CLINT1: variants seen among roughly 807,000 people sequenced by gnomAD.
The protein encoded by CLINT1 is clathrin interactor 1.
CLINT1 carries 15 observed loss-of-function variants against 70.4 expected under a neutral mutation model. The observed-to-expected ratio is 0.21, with a 90% CI of 0.14 to 0.33. CLINT1 has a LOEUF of 0.33. CLINT1 is among the 10% of genes least tolerant of loss of function. CLINT1 has a pLI of 1.00. For missense variants in CLINT1, 615 were observed against 778.1 expected (o/e 0.79, Z 2.49); for synonymous variants, 227 against 254.7 (o/e 0.89, Z 1.04).
At chr5:157,797,421 C>G (rs1018147454) in intron 8 of CLINT1, among the ~76,000 whole-genome samples, 1 of 152,070 alleles carries the variant, frequency 6.6e-6, no homozygotes, top group African/African-American at 2.4e-5. Flanking sequence ...GAGTTCCACT[C>G]GTCACCCAGA....
Position 157,786,986 on chromosome 5 carries a change from T to C in CLINT1, c.*660A>G, listed in dbSNP as rs922004992. The C allele has an allele frequency of 4.6e-5, 7 of 152,586 alleles. No homozygotes were observed. Among genetic ancestry groups the C allele is most frequent in the East Asian group, 1.9e-4 (1 of 5,198 alleles). 9.5% of individuals were successfully genotyped at this position (152,586 alleles called of 1,614,324 possible). A position where few individuals can be genotyped will look rare whatever the true frequency, so the allele number is the denominator to read the frequency against. The stretch of plus-strand genomic sequence containing the variant: ...CACAGGATAATTACAGCAGAAGACA[T>C]GGGAAAAGTCCCATGGCAATCACCA... On this transcript the variant is annotated 3_prime_UTR_variant, in exon 12 of 12. Transcript: ENST00000411809.
chr5:157,850,090 G>C (rs1392370265), intron 1 of CLINT1, among the ~76,000 whole-genome samples: 2 of 152,192 alleles, frequency 1.3e-5, no homozygotes, highest in Non-Finnish European at 2.9e-5. Context: ...AGTGGTGGGA[G>C]AAGAGATCAC....
At chr5:157,793,141 T>C (rs557532165) in intron 9 of CLINT1, among the ~76,000 whole-genome samples, 2 of 152,148 alleles carry the variant, frequency 1.3e-5, no homozygotes, top group African/African-American at 4.8e-5. Flanking sequence ...AAACTCCAAG[T>C]TCTACTAACA....
At chr5:157,815,900 T>A (rs1395332226) in intron 3 of CLINT1, among the ~76,000 whole-genome samples, 1 of 152,216 alleles carries the variant, frequency 6.6e-6, no homozygotes, top group East Asian at 1.9e-4. Context: ...TATAATCCAA[T>A]GGGACCACTG....
At chr5:157,853,290 T>C (rs191018140) in intron 1 of CLINT1, among the ~76,000 whole-genome samples, 41 of 150,656 alleles carry the variant, frequency 2.7e-4, no homozygotes, top group African/African-American at 7.3e-4. Flanking sequence ...TCGCAGTGAG[T>C]TGAGATCACA....
intron 1 of CLINT1, among the ~76,000 whole-genome samples, chr5:157,821,893 C>T (rs1312292626): frequency 6.6e-6 from 1 of 152,188 alleles, no homozygotes; most frequent in Non-Finnish European, 1.5e-5. Context: ...GTTTATGAAA[C>T]TGTTTGTTGT....
At chr5:157,831,184 GTTTTACT>G (rs893794288) in intron 1 of CLINT1, among the ~76,000 whole-genome samples, 1 of 146,688 alleles carries the variant, frequency 6.8e-6, no homozygotes, top group Non-Finnish European at 1.5e-5. Flanking sequence ...TTTTCTTCGT[GTTTTACT>G]TTTTTTTTTT....
At position 157,841,091 on chromosome 5, in the gene CLINT1, G is replaced by A. The variant is rs538046039; in HGVS notation, c.41+17839C>T. Among the ~76,000 whole-genome samples, 14 of 150,660 alleles carry A rather than the reference G, an allele frequency of 9.3e-5. 1 individual carries two copies. Among genetic ancestry groups the A allele is most frequent in the South Asian group, 2.1e-4 (1 of 4,728 alleles). On this transcript the variant is annotated intron_variant, in intron 1 of 11. Coordinates refer to ENST00000411809, the MANE Select transcript of CLINT1 (RefSeq NM_014666.4). ...AGCCTGGGCAGCATGGCAAAACCAC[G>A]TCTCTATAAAAAAATACAAAAACTA...
rs369160281 is a variant in CLINT1 at position 157,836,341 on chromosome 5, C to T, written c.42-18794G>A. 1.4e-4 allele frequency among the ~76,000 whole-genome samples: 22 copies of T among 152,300 alleles called. No individual in the cohort carries two copies. The East Asian group carries it at 2.7e-3, about 19-fold the overall frequency. On this transcript the variant is annotated intron_variant, in intron 1 of 11. Transcript: ENST00000411809. ...GTTAAGTATCTCACTAGAGGTCACA[C>T]AACCATTAACTGTCAAAACATGAAC... is the stretch of plus-strand genomic sequence containing the variant.
At chr5:157,828,051 G>A (rs910135252) in intron 1 of CLINT1, among the ~76,000 whole-genome samples, 1 of 152,106 alleles carries the variant, frequency 6.6e-6, no homozygotes, top group Non-Finnish European at 1.5e-5. Context: ...TTATCATTAT[G>A]GAGATTAAAT....
rs1317139448 is a variant in CLINT1, at chr5:157,830,753, TCTCC to T, written c.42-13210_42-13207del. Among the ~76,000 whole-genome samples the T allele has an allele frequency of 1.5e-3, 158 of 108,248 alleles. 1 individual carries two copies. Among genetic ancestry groups the T allele is most frequent in the South Asian group, 3.2e-3 (10 of 3,162 alleles). The allele number at this position is 108,248 out of a possible 152,430, so 71.0% of individuals were successfully genotyped here. A position where few individuals can be genotyped will look rare whatever the true frequency, so the allele number is the denominator to read the frequency against. On this transcript the variant is annotated intron_variant, in intron 1 of 11. Transcript: ENST00000411809. ...CCCACTCTCCCTGCCCCTCCCTCTC[TCTCC>T]CTCTCTCTCTCTCTCTCTCTCTCTC...
chr5:157,812,725 A>C (rs930908924), intron 5 of CLINT1, among the ~76,000 whole-genome samples: 4 of 152,160 alleles, frequency 2.6e-5, no homozygotes, highest in African/African-American at 9.7e-5. Flanking sequence ...TTTATACTCT[A>C]AACTCTGAGT....
intron 1 of CLINT1, among the ~76,000 whole-genome samples, chr5:157,857,688 A>G (rs1355174695): frequency 6.6e-6 from 1 of 152,238 alleles, no homozygotes; most frequent in South Asian, 2.1e-4. Flanking sequence ...CACTGTGAGG[A>G]TAAGTAACTT....
chr5:157,818,150 T>C (rs942570988), intron 1 of CLINT1, among the ~76,000 whole-genome samples: 4 of 152,186 alleles, frequency 2.6e-5, no homozygotes, highest in Non-Finnish European at 5.9e-5. Context: ...CTGCATAATA[T>C]TCCATCAGGA....
intron 1 of CLINT1, among the ~76,000 whole-genome samples, chr5:157,818,572 C>G (rs1001562963): frequency 6.6e-6 from 1 of 151,380 alleles, no homozygotes; most frequent in Non-Finnish European, 1.5e-5. Context: ...TTGTTTGATT[C>G]CAGTAGGTCA....
intron 1 of CLINT1, among the ~76,000 whole-genome samples, chr5:157,850,730 T>G (rs888666714): frequency 2.0e-5 from 3 of 151,162 alleles, no homozygotes; most frequent in African/African-American, 7.3e-5. Context: ...AATGAAAAAT[T>G]AGTATGAGAA....
At position 157,859,106 on chromosome 5, in the gene CLINT1, T is replaced by G; in HGVS notation, c.-136A>C. On this transcript the variant is annotated 5_prime_UTR_variant, in exon 1 of 12. Transcript: ENST00000411809. ...GAACTCCCCCAGTCAGCTCCTTCCT[T>G]TGCCACAGCAGCGGCGCCGCCGGTG... is the stretch of plus-strand genomic sequence containing the variant. The G allele has an allele frequency of 1.2e-6, 1 of 866,634 alleles. No individual in the cohort carries two copies. Among genetic ancestry groups the G allele is most frequent in the Non-Finnish European group, 1.7e-6 (1 of 585,042 alleles). 53.7% of individuals were successfully genotyped at this position (866,634 alleles called of 1,614,324 possible).
Position 157,848,411 on chromosome 5 carries a change from T to A in CLINT1, c.41+10519A>T, listed in dbSNP as rs370053984. ...TGCACCCGACCTAAGAATTATTATT[T>A]TTTTTTTTATTGAGACGCAGTCTCG... On this transcript the variant is annotated intron_variant, in intron 1 of 11. Coordinates refer to ENST00000411809, the MANE Select transcript of CLINT1 (RefSeq NM_014666.4). 3.3e-3 allele frequency among the ~76,000 whole-genome samples: 500 copies of A among 150,134 alleles called. 3 individuals are homozygous for A. Among genetic ancestry groups the A allele is most frequent in the Middle Eastern group, 0.014 (4 of 288 alleles).
At chr5:157,842,643 A>G (rs1753225745) in intron 1 of CLINT1, among the ~76,000 whole-genome samples, 1 of 152,254 alleles carries the variant, frequency 6.6e-6, no homozygotes, top group Non-Finnish European at 1.5e-5. Context: ...CTTTGCAAAT[A>G]TCAGCCATTA....
Sources: gnomAD v4.1 joint callset for allele counts (sites outside exome capture counted in the v4.1 genomes callset) on GRCh38, gnomAD v4.1.1 for gene constraint, MANE v1.5 for transcripts, NCBI Gene and HGNC (gene_info 2026-07-23, HGNC 2026-07-21) for gene names.